Variants in KLRG1 observed in about 807,000 individuals in gnomAD.
KLRG1 encodes killer cell lectin-like receptor subfamily G member 1.
In KLRG1, 16 loss-of-function variants were observed where a neutral mutation model predicts 21.8. That is an observed-to-expected ratio of 0.73 (90% CI 0.50 to 1.11). KLRG1 has a LOEUF of 1.11. Among genes scored for constraint, KLRG1 ranks in the 50% most tolerant of loss-of-function variants. The pLI is 0.00. For synonymous variants in KLRG1, 69 were observed against 75.9 expected, an observed-to-expected ratio of 0.91 and a Z score of 0.47; for missense variants, 173 against 218.3, an observed-to-expected ratio of 0.79 and a Z score of 1.31.
the KLRG1 span, among the ~76,000 whole-genome samples, chr12:9,111,151 A>G: frequency 6.6e-6 from 1 of 152,204 alleles, no homozygotes; most frequent in Non-Finnish European, 1.5e-5. Context: ...AGAAGCTACT[A>G]TGAATGTTTA....
At chr12:9,200,318 A>C in the KLRG1 span, 1 of 1,427,764 alleles carries the variant, frequency 7.0e-7, no homozygotes, top group South Asian at 1.2e-5. Flanking sequence ...AATCCCTCAA[A>C]ATTGAGGCAA....
the KLRG1 span, among the ~76,000 whole-genome samples, chr12:9,196,053 T>C: frequency 6.6e-6 from 1 of 152,126 alleles, no homozygotes; most frequent in African/African-American, 2.4e-5. Context: ...CTAAACTGCA[T>C]GAAAGAAGAG....
At chr12:9,072,931 A>G in the KLRG1 span, 6 of 1,418,350 alleles carry the variant, frequency 4.2e-6, no homozygotes, top group African/African-American at 7.1e-5. Flanking sequence ...GAGGGCTGAG[A>G]TATTTTTCAA....
chr12:9,202,235 C>A, the KLRG1 span: 1 of 1,249,978 alleles, frequency 8.0e-7, no homozygotes, highest in Non-Finnish European at 1.2e-6. Context: ...TTCATCCTCT[C>A]GCTTTTCTTG....
chr12:9,130,215 G>T, the KLRG1 span, among the ~76,000 whole-genome samples: 1 of 152,046 alleles, frequency 6.6e-6, no homozygotes, highest in Non-Finnish European at 1.5e-5. Flanking sequence ...TGGACATTTG[G>T]CTCGCTTTTA....
At chr12:9,112,349 G>C in the KLRG1 span, 1 of 1,606,852 alleles carries the variant, frequency 6.2e-7, no homozygotes, top group Non-Finnish European at 8.5e-7. Flanking sequence ...CCTTTTTGAA[G>C]TTGTCCTGTC....
the KLRG1 span, among the ~76,000 whole-genome samples, chr12:9,134,928 G>T: frequency 6.6e-6 from 1 of 152,130 alleles, no homozygotes; most frequent in Non-Finnish European, 1.5e-5. Context: ...TCTAATGAAA[G>T]AAAAAAGTAG....
chr12:9,089,798 C>T, the KLRG1 span: 12 of 839,952 alleles, frequency 1.4e-5, no homozygotes, highest in Non-Finnish European at 1.8e-5. Flanking sequence ...AGAGATAGGA[C>T]AGAGAGATAC....
chr12:8,986,699 A>G (rs1010582504), upstream of KLRG1, among the ~76,000 whole-genome samples: 2 of 151,818 alleles, frequency 1.3e-5, no homozygotes, highest in Admixed American at 6.6e-5. Flanking sequence ...CCTGATTCCT[A>G]TGTTGCCTTC....
the KLRG1 span, chr12:9,200,865 G>A: frequency 1.9e-6 from 3 of 1,591,284 alleles, no homozygotes; most frequent in Non-Finnish European, 2.6e-6. Flanking sequence ...AAAATGTTAT[G>A]CCTTTTTCAT....
the KLRG1 span, among the ~76,000 whole-genome samples, chr12:9,140,435 G>A: frequency 6.6e-6 from 1 of 152,172 alleles, no homozygotes; most frequent in African/African-American, 2.4e-5. Context: ...CTTACCTAAT[G>A]AGAGGCAGAG....
the KLRG1 span, among the ~76,000 whole-genome samples, chr12:9,039,470 A>AC: frequency 7.1e-6 from 1 of 141,404 alleles, no homozygotes; most frequent in Non-Finnish European, 1.6e-5. Flanking sequence ...TTTTTAAAAA[A>AC]CTTTTTTTTC....
At chr12:9,005,223 G>A (rs964111594) in intron 3 of KLRG1, among the ~76,000 whole-genome samples, 1 of 152,032 alleles carries the variant, frequency 6.6e-6, no homozygotes, top group Non-Finnish European at 1.5e-5. Context: ...GGCAAGGGGA[G>A]GGATAGCACT....
the KLRG1 span, among the ~76,000 whole-genome samples, chr12:9,048,103 A>G: frequency 0.23 from 35,516 of 152,142 alleles, 4,837 homozygotes; most frequent in East Asian, 0.32. Context: ...ATTCTTAAAG[A>G]TGGGTCATAT....
At chr12:9,161,308 T>C in the KLRG1 span, among the ~76,000 whole-genome samples, 5 of 152,232 alleles carry the variant, frequency 3.3e-5, no homozygotes, top group Non-Finnish European at 5.9e-5. Context: ...ATCTGCAACA[T>C]ATTCAATTTC....
the KLRG1 span, among the ~76,000 whole-genome samples, chr12:9,021,544 G>A: frequency 6.6e-6 from 1 of 151,014 alleles, no homozygotes; most frequent in Non-Finnish European, 1.5e-5. Flanking sequence ...GGGCCTACAG[G>A]CGCACGCCAC....
At chr12:8,961,941 C>T (rs956047049) in intron 1 of KLRG1, among the ~76,000 whole-genome samples, 3 of 152,024 alleles carry the variant, frequency 2.0e-5, no homozygotes, top group Admixed American at 6.6e-5. Context: ...TAAAAATTAG[C>T]CAGGCATGGT....
the KLRG1 span, among the ~76,000 whole-genome samples, chr12:9,114,943 T>C: frequency 4.6e-5 from 7 of 152,172 alleles, no homozygotes; most frequent in Admixed American, 4.6e-4. Context: ...TTGAAGCACA[T>C]CTTTAATGAG....
the KLRG1 span, chr12:9,115,815 A>G: frequency 2.5e-6 from 4 of 1,613,498 alleles, no homozygotes; most frequent in Admixed American, 1.7e-5. Flanking sequence ...GAGGAGAAGA[A>G]CCAGACTTGG....
Sources: allele counts gnomAD v4.1 joint callset (sites outside exome capture counted in the v4.1 genomes callset), GRCh38; gene constraint gnomAD v4.1.1; transcripts MANE v1.5; gene names NCBI Gene and HGNC (gene_info 2026-07-23, HGNC 2026-07-21).